FHIT: variants seen among roughly 807,000 people sequenced by gnomAD.
FHIT encodes fragile histidine triad diadenosine triphosphatase, also known as bis(5'-adenosyl)-triphosphatase.
FHIT carries 19 observed loss-of-function variants against 17.9 expected under a neutral mutation model. The observed-to-expected ratio is 1.06, with a 90% CI of 0.74 to 1.56. FHIT has a LOEUF of 1.56. Ranked by LOEUF, FHIT falls within the 40% of genes most tolerant of loss-of-function variation. FHIT has a pLI of 0.00. For synonymous variants in FHIT, 81 were observed against 69.7 expected (o/e 1.16, Z -0.81); for missense variants, 248 against 189.2 (o/e 1.31, Z -1.82).
At chr3:60,035,998 T>A (rs1329476355) in intron 5 of FHIT, among the ~76,000 whole-genome samples, 2 of 152,152 alleles carry the variant, frequency 1.3e-5, no homozygotes, top group African/African-American at 4.8e-5. Context: ...ATATCCAGGC[T>A]AAGAGAGCAA....
chr3:59,831,322 T>C (rs1701156000), intron 8 of FHIT, among the ~76,000 whole-genome samples: 1 of 152,192 alleles, frequency 6.6e-6, no homozygotes, highest in African/African-American at 2.4e-5. Flanking sequence ...ATTTTCTGAG[T>C]GCTTGCCATG....
chr3:59,975,155 G>C (rs1343206504), intron 7 of FHIT, among the ~76,000 whole-genome samples: 1 of 152,126 alleles, frequency 6.6e-6, no homozygotes, highest in Non-Finnish European at 1.5e-5. Context: ...TTCTCTCTGA[G>C]ATTATTTGCT....
At chr3:60,167,560 A>C (rs562305985) in intron 5 of FHIT, among the ~76,000 whole-genome samples, 1 of 152,316 alleles carries the variant, frequency 6.6e-6, no homozygotes, top group Non-Finnish European at 1.5e-5. Flanking sequence ...TGGGCATTGC[A>C]ATAATTGTGA....
chr3:61,214,263 G>C (rs1404166731), intron 1 of FHIT, among the ~76,000 whole-genome samples: 6 of 152,118 alleles, frequency 3.9e-5, no homozygotes, highest in Admixed American at 3.9e-4. Flanking sequence ...CAGCTAGCAA[G>C]ACTAATAAAG....
intron 3 of FHIT, among the ~76,000 whole-genome samples, chr3:60,961,783 C>T (rs1385427174): frequency 1.3e-5 from 2 of 152,044 alleles, no homozygotes; most frequent in African/African-American, 2.4e-5. Flanking sequence ...GTTCCATTGG[C>T]CTATCTCTCT....
chr3:60,632,999 A>C (rs2039486840), intron 4 of FHIT, among the ~76,000 whole-genome samples: 1 of 152,188 alleles, frequency 6.6e-6, no homozygotes, highest in African/African-American at 2.4e-5. Flanking sequence ...AACAGAGTAA[A>C]AGGGGCAAGG....
chr3:60,115,322 CA>C (rs1704905813), intron 5 of FHIT, among the ~76,000 whole-genome samples: 2 of 152,106 alleles, frequency 1.3e-5, no homozygotes, highest in Admixed American at 1.3e-4. Context: ...CAATATGGTA[CA>C]AATCCTTTAT....
Position 61,195,127 on chromosome 3 carries a change from G to GA in FHIT, c.-164+5489dup, listed in dbSNP as rs879773156. ...ATTTAGGGAACTCTCAGGGAAGAAA[G>GA]AAAAAAAAAAGTCCCTTAAAGGTCA... On this transcript the variant is annotated intron_variant, in intron 2 of 9. Coordinates refer to ENST00000492590, the MANE Select transcript of FHIT (RefSeq NM_002012.4). Among the ~76,000 whole-genome samples the GA allele has an allele frequency of 3.9e-3, 564 of 145,316 alleles. 7 individuals are homozygous for GA. The highest frequency in any genetic ancestry group is 0.023 in the East Asian group (116 of 5,000).
intron 5 of FHIT, among the ~76,000 whole-genome samples, chr3:60,117,299 C>G (rs4679636): frequency 0.93 from 142,209 of 152,196 alleles, 66,478 homozygotes; most frequent in East Asian, 0.97. Context: ...GAATAGGTTA[C>G]AGAATGGCAA....
intron 5 of FHIT, among the ~76,000 whole-genome samples, chr3:60,387,930 C>G (rs2107140651): frequency 6.6e-6 from 1 of 152,220 alleles, no homozygotes; most frequent in South Asian, 2.1e-4. Flanking sequence ...AGCCCTCCCT[C>G]TTAGTTCCTT....
chr3:60,362,845 C>G (rs1430824597), intron 5 of FHIT, among the ~76,000 whole-genome samples: 1 of 152,098 alleles, frequency 6.6e-6, no homozygotes, highest in African/African-American at 2.4e-5. Context: ...AAACGGCAGA[C>G]AAATCCCAAA....
intron 5 of FHIT, among the ~76,000 whole-genome samples, chr3:60,091,563 T>A (rs1418003903): frequency 6.6e-6 from 1 of 152,146 alleles, no homozygotes; most frequent in Non-Finnish European, 1.5e-5. Context: ...ATGATATGGT[T>A]TGAATCTGTG....
intron 7 of FHIT, among the ~76,000 whole-genome samples, chr3:59,967,644 C>T (rs1575783972): frequency 6.6e-6 from 1 of 152,154 alleles, no homozygotes; most frequent in Non-Finnish European, 1.5e-5. Context: ...TTGGTGGAAG[C>T]TTGGCAAAGG....
chr3:60,036,044 G>C (rs1701204225), intron 5 of FHIT, among the ~76,000 whole-genome samples: 1 of 152,160 alleles, frequency 6.6e-6, no homozygotes, highest in Non-Finnish European at 1.5e-5. Flanking sequence ...CCATCCCAAG[G>C]GGAAGAGAAA....
intron 6 of FHIT, among the ~76,000 whole-genome samples, chr3:60,012,648 T>C (rs1700187374): frequency 6.6e-6 from 1 of 152,178 alleles, no homozygotes; most frequent in Non-Finnish European, 1.5e-5. Context: ...TCTGGTTTCC[T>C]TTATCAATAT....
At chr3:60,325,527 C>T (rs918796002) in intron 5 of FHIT, among the ~76,000 whole-genome samples, 1 of 152,148 alleles carries the variant, frequency 6.6e-6, no homozygotes, top group Non-Finnish European at 1.5e-5. Flanking sequence ...AATCTAGCAT[C>T]TAGAAATGCC....
intron 4 of FHIT, among the ~76,000 whole-genome samples, chr3:60,746,082 T>A (rs1351792472): frequency 6.6e-6 from 1 of 152,226 alleles, no homozygotes; most frequent in Non-Finnish European, 1.5e-5. Context: ...CTGCACCTGA[T>A]TTTTTAAAAC....
At chr3:60,449,401 T>C (rs1339162347) in intron 5 of FHIT, among the ~76,000 whole-genome samples, 10 of 149,900 alleles carry the variant, frequency 6.7e-5, no homozygotes, top group Admixed American at 6.0e-4. Context: ...ACTTAGAAGT[T>C]ATTCAAATAT....
chr3:60,574,760 C>T (rs905449694), intron 4 of FHIT, among the ~76,000 whole-genome samples: 36 of 152,196 alleles, frequency 2.4e-4, no homozygotes, highest in Admixed American at 1.6e-3. Context: ...TTATAGAGTG[C>T]TCCCTGCTCA....
Sources: gnomAD v4.1 joint callset for allele counts (sites outside exome capture counted in the v4.1 genomes callset) on GRCh38, gnomAD v4.1.1 for gene constraint, MANE v1.5 for transcripts, NCBI Gene and HGNC (gene_info 2026-07-23, HGNC 2026-07-21) for gene names.